Variants in DEPDC1 observed in about 807,000 individuals in gnomAD.
DEPDC1 encodes the protein DEP domain containing 1.
Under a neutral mutation model 86.8 loss-of-function variants are expected in DEPDC1, and 66 were observed. The observed-to-expected ratio is 0.76, with a 90% CI of 0.62 to 0.93. The LOEUF is 0.93. Among genes scored for constraint, DEPDC1 ranks in the 40% least tolerant of loss-of-function variants. The pLI is 0.00. For missense variants in DEPDC1, 792 were observed against 935.7 expected (o/e 0.85, Z 2.00); for synonymous variants, 255 against 314.9 (o/e 0.81, Z 2.02).
At chr1:68,478,276 A>G (rs1049448140) in intron 10 of DEPDC1, among the ~76,000 whole-genome samples, 1 of 152,018 alleles carries the variant, frequency 6.6e-6, no homozygotes, top group African/African-American at 2.4e-5. Flanking sequence ...TAAGCATTAA[A>G]TAAAGACAGG....
At chr1:68,484,341 C>A (rs912422789) in intron 6 of DEPDC1, among the ~76,000 whole-genome samples, 17 of 151,994 alleles carry the variant, frequency 1.1e-4, no homozygotes, top group African/African-American at 4.1e-4. Context: ...ATTTTAATAT[C>A]ATTTTAAAAG....
In DEPDC1 at chr1:68,496,326, C is replaced by T. The variant is rs967444032; in HGVS notation, c.48+626G>A. 6.6e-6 allele frequency among the ~76,000 whole-genome samples: 1 copy of T among 152,130 alleles called. No individual in the cohort carries two copies. The highest frequency in any genetic ancestry group is 1.5e-5 in the Non-Finnish European group (1 of 68,022). ...GGGGACTCACCTAACGTCACATAACCAGCACCACAGTATCCTATAGAACCG... is the reference window on the plus strand; with the variant it reads ...GGGGACTCACCTAACGTCACATAACTAGCACCACAGTATCCTATAGAACCG... On this transcript the variant is annotated intron_variant, in intron 1 of 11. Coordinates refer to ENST00000456315, the MANE Select transcript of DEPDC1 (RefSeq NM_001114120.3). This position sits in a 1 kb window ranked among gnomAD's most constrained non-coding sequence, Gnocchi z 4.0.
intron 2 of DEPDC1, among the ~76,000 whole-genome samples, chr1:68,490,055 C>T (rs1646219397): frequency 6.6e-6 from 1 of 152,078 alleles, no homozygotes; most frequent in Non-Finnish European, 1.5e-5. Flanking sequence ...TATAATAAAA[C>T]AATACCCATG....
chr1:68,481,489 T>G lies in DEPDC1; in HGVS notation c.1886A>C (p.Gln629Pro), dbSNP rs1395179757. The change falls in exon 9 of 12, where the codon CAA becomes CCA. Residue 629 changes from glutamine to proline, a missense_variant. Physicochemically the swap from Gln to Pro is moderately conservative, Grantham distance 76. Transcript: ENST00000456315. ...ATGAAGTTTGGGCATATCAACATTT[T>G]GACTCATTCGGGAAATCATACGCAT... Reference protein sequence around the residue: ...LLMRMISRMSQNVDMPKLHDA... With the variant: ...LLMRMISRMSPNVDMPKLHDA... 1 of 1,612,582 alleles carries G rather than the reference T, an allele frequency of 6.2e-7. No homozygotes were observed. Among genetic ancestry groups the G allele is most frequent in the Admixed American group, 1.7e-5 (1 of 59,814 alleles).
chr1:68,478,042 A>C, intron 10 of DEPDC1, 70 bp from the exon 11 acceptor site: 3 of 1,180,696 alleles, frequency 2.5e-6, no homozygotes, highest in Non-Finnish European at 3.5e-6. Context: ...TATTCTTTTG[A>C]TGGGATCTAG....
chr1:68,487,755 T>C (rs1410888873), intron 5 of DEPDC1, among the ~76,000 whole-genome samples: 1 of 151,940 alleles, frequency 6.6e-6, no homozygotes, highest in African/African-American at 2.4e-5. Context: ...TCAGCTACGA[T>C]TTTGAGAGAT....
At chr1:68,494,400 C>T (rs1646249832) in intron 2 of DEPDC1, 30 bp downstream of exon 2, 1 of 1,575,132 alleles carries the variant, frequency 6.3e-7, no homozygotes, top group South Asian at 1.2e-5. Context: ...TACAGTAATT[C>T]AGTTTTACAG....
At chr1:68,485,007 G>A (rs1646183740) in intron 6 of DEPDC1, among the ~76,000 whole-genome samples, 1 of 151,532 alleles carries the variant, frequency 6.6e-6, no homozygotes, top group Non-Finnish European at 1.5e-5. Context: ...TTTAGTGACT[G>A]TGGTATGCAT....
chr1:68,482,963 C>T, intron 7 of DEPDC1, 66 bp from the exon 8 acceptor site: 2 of 1,467,208 alleles, frequency 1.4e-6, no homozygotes, highest in Non-Finnish European at 1.8e-6. Flanking sequence ...AAAACAAAAA[C>T]AATAGTAAAG....
chr1:68,485,560 G>A (rs144180360), intron 6 of DEPDC1, among the ~76,000 whole-genome samples: 147 of 152,130 alleles, frequency 9.7e-4, no homozygotes, highest in African/African-American at 3.3e-3. Flanking sequence ...AATTGGTATC[G>A]TTTAGGTATT....
chr1:68,492,265 T>C (rs1646233852), intron 2 of DEPDC1, among the ~76,000 whole-genome samples: 1 of 152,236 alleles, frequency 6.6e-6, no homozygotes, highest in Non-Finnish European at 1.5e-5. Flanking sequence ...GACTTGTATA[T>C]ACATGTACTA....
intron 7 of DEPDC1, 24 bp from the exon 8 acceptor site, chr1:68,482,921 T>C (rs1336941855): frequency 6.5e-7 from 1 of 1,538,128 alleles, no homozygotes; most frequent in Non-Finnish European, 8.7e-7. Context: ...AAACAAAAAT[T>C]AAGATGCAAC....
chr1:68,474,491 C>T lies in DEPDC1; in HGVS notation c.*2441G>A, dbSNP rs1646101765. ...TTAGGGATGGTGGAGGCAGTAATTT[C>T]TGGGATAAGAACTATAATTTACAGA... On this transcript the variant is annotated 3_prime_UTR_variant, in exon 12 of 12. Transcript: ENST00000456315. 1 of 152,006 alleles carries T rather than the reference C, an allele frequency of 6.6e-6. No homozygotes were observed. The highest frequency in any genetic ancestry group is 2.4e-5 in the African/African-American group (1 of 41,416). 9.4% of individuals were successfully genotyped at this position (152,006 alleles called of 1,614,324 possible).
At chr1:68,488,806 C>T in intron 4 of DEPDC1, 110 bp downstream of exon 4, 1 of 816,452 alleles carries the variant, frequency 1.2e-6, no homozygotes, top group Non-Finnish European at 2.1e-6. Flanking sequence ...AGGTTGCATT[C>T]TAAGCTTTCA....
intron 4 of DEPDC1, 42 bp from the exon 5 acceptor site, chr1:68,488,546 A>C: frequency 6.6e-7 from 1 of 1,507,564 alleles, no homozygotes; most frequent in Middle Eastern, 2.1e-4. Context: ...CTTCATAAAT[A>C]GATTATACAT....
rs530391062 is a variant in DEPDC1, at chr1:68,496,858, C to CCGAGGTAAAACTGCGAACGGT, written c.48+73_48+93dup. On this transcript the variant is annotated intron_variant, in intron 1 of 11. Coordinates refer to ENST00000456315, the MANE Select transcript of DEPDC1 (RefSeq NM_001114120.3). The surrounding 1 kb of genome is among the most constrained non-coding windows in gnomAD (Gnocchi z 4.0). ...GGGATCCTGGGACTCATCCCTCCGA[C>CCGAGGTAAAACTGCGAACGGT]CGAGGTAAAACTGCGAACGGTCGAG... 13,825 of 1,285,304 alleles carry CCGAGGTAAAACTGCGAACGGT rather than the reference C, an allele frequency of 0.011. 238 individuals carry two copies. The highest frequency in any genetic ancestry group is 0.011 in the Non-Finnish European group (9,805 of 898,628). 79.6% of individuals were successfully genotyped at this position (1,285,304 alleles called of 1,614,324 possible). A position where few individuals can be genotyped will look rare whatever the true frequency, so the allele number is the denominator to read the frequency against.
rs746267128 is a variant in DEPDC1, at chr1:68,482,115, A to T, written c.1693T>A (p.Cys565Ser). ...TCTGAAAGTTCTATTGTACTTTTGC[A>T]GAGTCTTTTATTGATTGTGGCACTA... ...ESSATINKRL[C>S]KSTIELSENS... Residue 565 changes from cysteine to serine, a missense_variant, in exon 8 of 12, where the codon TGC becomes AGC. Coordinates refer to ENST00000456315, the MANE Select transcript of DEPDC1 (RefSeq NM_001114120.3). The T allele has an allele frequency of 3.1e-6, 5 of 1,610,416 alleles. No homozygotes were observed. The East Asian group carries it at 1.1e-4, about 36-fold the overall frequency.
rs1571197028 is a variant in DEPDC1 at position 68,482,349 on chromosome 1, A to T, written c.1459T>A (p.Ser487Thr). ...TCTTGGTCTTGAACAGTCAAAGTAG[A>T]GGTTCTCTTAAAACCAGCACTGAAT... ...KPFSAGFKRT[S>T]TLTVQDQEEL... The change falls in exon 8 of 12, where the codon TCT becomes ACT. Residue 487 changes from serine (S) to threonine (T), a missense_variant. Ser to Thr is a moderately conservative substitution (Grantham distance 58). Transcript: ENST00000456315. 1.9e-6 allele frequency: 3 copies of T among 1,612,914 alleles called. No individual in the cohort carries two copies. In the South Asian group the frequency reaches 3.3e-5, roughly 18 times the overall value.
intron 1 of DEPDC1, among the ~76,000 whole-genome samples, chr1:68,495,142 CAA>C (rs11353957): frequency 4.2e-4 from 61 of 146,932 alleles, no homozygotes; most frequent in African/African-American, 1.0e-3. Flanking sequence ...AACTCAGTCT[CAA>C]AAAAAAAAAA....
Sources: allele counts gnomAD v4.1 joint callset (sites outside exome capture counted in the v4.1 genomes callset), GRCh38; gene constraint gnomAD v4.1.1; non-coding constraint Gnocchi (gnomAD v3.1); transcripts MANE v1.5; gene names NCBI Gene and HGNC (gene_info 2026-07-23, HGNC 2026-07-21).